Variants in STK33 observed in about 807,000 individuals in gnomAD.
STK33 encodes the protein serine/threonine kinase 33, also known as serine/threonine-protein kinase 33.
Under a neutral mutation model 58.0 loss-of-function variants are expected in STK33, and 52 were observed. The observed-to-expected ratio is 0.90, with a 90% CI of 0.72 to 1.13. The LOEUF is 1.13. Ranked by LOEUF, STK33 falls within the 50% of genes most tolerant of loss-of-function variation. The probability of loss-of-function intolerance (pLI) is 0.00; values close to 1 mark genes in which losing one functional copy is unlikely to be tolerated. For synonymous variants in STK33, 215 were observed against 200.1 expected, an observed-to-expected ratio of 1.07 and a Z score of -0.63; for missense variants, 630 against 604.2, an observed-to-expected ratio of 1.04 and a Z score of -0.45.
At chr11:8,556,771 CTCA>C (rs1956770633) in intron 1 of STK33, among the ~76,000 whole-genome samples, 2 of 152,106 alleles carry the variant, frequency 1.3e-5, no homozygotes, top group Non-Finnish European at 2.9e-5. Context: ...TGTATTTTTG[CTCA>C]TCATTATATT....
chr11:8,436,159 T>C lies in STK33; in HGVS notation c.948-20A>G. On this transcript the variant is annotated intron_variant, in intron 12 of 15. Coordinates refer to ENST00000687296, the MANE Select transcript of STK33 (RefSeq NM_001352389.2). ...CGTAATCTGCAACAAAGGCAATCAC[T>C]TTGTTTAAATTTTTTAAATAATAAA... 1 of 1,402,474 alleles carries C rather than the reference T, an allele frequency of 7.1e-7. No homozygotes were observed. The highest frequency in any genetic ancestry group is 9.6e-7 in the Non-Finnish European group (1 of 1,037,324). 86.9% of individuals were successfully genotyped at this position (1,402,474 alleles called of 1,614,324 possible). A position where few individuals can be genotyped will look rare whatever the true frequency, so the allele number is the denominator to read the frequency against.
chr11:8,526,376 A>AG lies in STK33; in HGVS notation c.-465-45763dup, dbSNP rs922815781. On this transcript the variant is annotated intron_variant, in intron 1 of 15. Coordinates refer to ENST00000687296, the MANE Select transcript of STK33 (RefSeq NM_001352389.2). ...CACTGTACTCCAGCCTGGGCAACAG[A>AG]GGGAAACTCGATCTCAAAAAAAAAA... Among the ~76,000 whole-genome samples, 21 of 152,114 alleles carry AG rather than the reference A, an allele frequency of 1.4e-4. No individual in the cohort carries two copies. The Middle Eastern group carries it at 0.017, about 123-fold the overall frequency.
chr11:8,492,040 C>T (rs1314611353), intron 1 of STK33, among the ~76,000 whole-genome samples: 1 of 152,126 alleles, frequency 6.6e-6, no homozygotes, highest in Admixed American at 6.5e-5. Flanking sequence ...CATCAACTAA[C>T]AGGCAAAATA....
chr11:8,358,323 T>C, the STK33 span, among the ~76,000 whole-genome samples: 1 of 152,192 alleles, frequency 6.6e-6, no homozygotes, highest in African/African-American at 2.4e-5. Flanking sequence ...GACCCCACCC[T>C]GCTCACACCT....
intron 6 of STK33, 135 bp downstream of exon 6, chr11:8,473,028 T>C (rs1948926818): frequency 3.5e-6 from 2 of 570,746 alleles, no homozygotes; most frequent in Non-Finnish European, 6.2e-6. Flanking sequence ...AATGTTAACA[T>C]ACTTGAAAAT....
intron 1 of STK33, among the ~76,000 whole-genome samples, chr11:8,497,700 G>A (rs1951170289): frequency 1.3e-5 from 2 of 152,136 alleles, no homozygotes; most frequent in African/African-American, 4.8e-5. Context: ...GGGCTCAAGT[G>A]ATCTGCCTGC....
At chr11:8,462,181 C>T (rs1947609134) in intron 7 of STK33, among the ~76,000 whole-genome samples, 1 of 151,968 alleles carries the variant, frequency 6.6e-6, no homozygotes. Context: ...GTTTCTATAA[C>T]TTAGCTACAA....
Position 8,457,401 on chromosome 11 carries a change from T to C in STK33, c.637A>G (p.Asn213Asp), listed in dbSNP as rs777439470. Residue 213 changes from asparagine to aspartate, a missense_variant, in exon 9 of 16, where the codon AAT becomes GAT. Physicochemically the swap from Asn to Asp is conservative, Grantham distance 23. Coordinates refer to ENST00000687296, the MANE Select transcript of STK33 (RefSeq NM_001352389.2). ...CTTTGAATGATCCACCTTGTCTCAT[T>C]CTCTGAGAAATGCCCTTTCCTATCC... ...ILDRKGHFSE[N>D]ETRWIIQSLA... is the part of the protein sequence containing the mutation. The C allele has an allele frequency of 1.2e-6, 2 of 1,608,716 alleles. No individual in the cohort carries two copies. The highest frequency in any genetic ancestry group is 2.2e-5 in the South Asian group (2 of 90,290).
intron 15 of STK33, among the ~76,000 whole-genome samples, chr11:8,394,798 G>A (rs1186249568): frequency 2.0e-5 from 3 of 152,160 alleles, no homozygotes; most frequent in African/African-American, 4.8e-5. Context: ...TTGCTTTGGT[G>A]TAGAAATATG....
chr11:8,516,535 T>C (rs1952798684), intron 1 of STK33, among the ~76,000 whole-genome samples: 1 of 152,186 alleles, frequency 6.6e-6, no homozygotes, highest in Non-Finnish European at 1.5e-5. Flanking sequence ...GGATGGGGCA[T>C]CACCTCACCC....
intron 1 of STK33, among the ~76,000 whole-genome samples, chr11:8,573,807 A>C (rs1163590452): frequency 6.6e-6 from 1 of 152,230 alleles, no homozygotes; most frequent in East Asian, 1.9e-4. Flanking sequence ...CTGAGTGAAA[A>C]AAGCCAATCT....
chr11:8,543,712 ATAACT>A (rs1313551821), intron 1 of STK33, among the ~76,000 whole-genome samples: 3 of 152,212 alleles, frequency 2.0e-5, no homozygotes, highest in Non-Finnish European at 2.9e-5. Context: ...ATAGTCAATA[ATAACT>A]TAATTGTACA....
intron 1 of STK33, among the ~76,000 whole-genome samples, chr11:8,527,325 T>C (rs1591637236): frequency 6.6e-6 from 1 of 152,188 alleles, no homozygotes; most frequent in Admixed American, 6.5e-5. Context: ...GGCTGGGCCC[T>C]GAGGCAGGGC....
chr11:8,474,175 C>CA (rs879623653), intron 5 of STK33, among the ~76,000 whole-genome samples: 235 of 134,662 alleles, frequency 1.7e-3, no homozygotes, highest in Middle Eastern at 3.8e-3. Flanking sequence ...AACTCCAATT[C>CA]AAAAAAAAAA....
At chr11:8,547,483 G>A (rs989405641) in intron 1 of STK33, among the ~76,000 whole-genome samples, 2 of 152,168 alleles carry the variant, frequency 1.3e-5, no homozygotes, top group African/African-American at 4.8e-5. Flanking sequence ...CAAAGTGATG[G>A]GATTACAGGC....
At chr11:8,447,499 T>C (rs1373451907) in intron 11 of STK33, among the ~76,000 whole-genome samples, 3 of 151,290 alleles carry the variant, frequency 2.0e-5, no homozygotes, top group African/African-American at 7.3e-5. Context: ...AATCAATAAA[T>C]GTAATCCAGC....
chr11:8,470,332 C>T (rs1477734428), intron 6 of STK33, among the ~76,000 whole-genome samples: 1 of 152,162 alleles, frequency 6.6e-6, no homozygotes, highest in East Asian at 1.9e-4. Context: ...AGCTTTTCTC[C>T]TACAATGTCC....
At chr11:8,514,696 A>C (rs1039920173) in intron 1 of STK33, among the ~76,000 whole-genome samples, 3 of 152,242 alleles carry the variant, frequency 2.0e-5, no homozygotes, top group Non-Finnish European at 4.4e-5. Flanking sequence ...CACAGGCGCT[A>C]GCAGGAACAA....
the STK33 span, among the ~76,000 whole-genome samples, chr11:8,378,472 C>G: frequency 2.6e-5 from 4 of 152,146 alleles, no homozygotes; most frequent in Non-Finnish European, 5.9e-5. Context: ...GAGTCAAGAT[C>G]GCACCATTGC....
Sources: allele counts gnomAD v4.1 joint callset (sites outside exome capture counted in the v4.1 genomes callset), GRCh38; gene constraint gnomAD v4.1.1; transcripts MANE v1.5; gene names NCBI Gene and HGNC (gene_info 2026-07-23, HGNC 2026-07-21).